IFT88: variants seen among roughly 807,000 people sequenced by gnomAD.
The protein encoded by IFT88 is intraflagellar transport protein 88 homolog.
IFT88 carries 74 observed loss-of-function variants against 119.5 expected under a neutral mutation model. That is an observed-to-expected ratio of 0.62 (90% CI 0.51 to 0.75). The LOEUF (loss-of-function observed/expected upper bound fraction) is 0.75. Among genes scored for constraint, IFT88 ranks in the 30% least tolerant of loss-of-function variants. IFT88 has a pLI of 0.00. For missense variants in IFT88, 961 were observed against 977.7 expected, an observed-to-expected ratio of 0.98 and a Z score of 0.23; for synonymous variants, 279 against 316.7, an observed-to-expected ratio of 0.88 and a Z score of 1.26.
At chr13:20,649,088 A>C (rs2051186203) in intron 20 of IFT88, among the ~76,000 whole-genome samples, 1 of 152,194 alleles carries the variant, frequency 6.6e-6, no homozygotes, top group African/African-American at 2.4e-5. Flanking sequence ...ACTTTTAAAA[A>C]TGTGTGTTAC....
At chr13:20,625,562 A>G (rs548898640) in intron 14 of IFT88, among the ~76,000 whole-genome samples, 188 bp from the exon 15 acceptor site, 13 of 152,238 alleles carry the variant, frequency 8.5e-5, no homozygotes, top group Non-Finnish European at 1.5e-4. Context: ...GATAAATTGG[A>G]TAAGAAAAGT....
At chr13:20,677,597 TG>T (rs1386913699) in intron 24 of IFT88, among the ~76,000 whole-genome samples, 1 of 152,188 alleles carries the variant, frequency 6.6e-6, no homozygotes, top group East Asian at 1.9e-4. Context: ...AGAAGTAAAT[TG>T]GTCAGTAAAG....
At chr13:20,614,724 A>G (rs1379552065) in intron 13 of IFT88, among the ~76,000 whole-genome samples, 1 of 152,182 alleles carries the variant, frequency 6.6e-6, no homozygotes, top group Non-Finnish European at 1.5e-5. Flanking sequence ...TATGTTTTAC[A>G]AATGCATGTG....
intron 16 of IFT88, among the ~76,000 whole-genome samples, chr13:20,636,248 T>C (rs1380283630): frequency 1.3e-5 from 2 of 152,170 alleles, no homozygotes; most frequent in Non-Finnish European, 2.9e-5. Context: ...TGACCTTAAA[T>C]CTTTGTGAGA....
In IFT88 at chr13:20,572,369, C is replaced by A. The variant is rs140546342; in HGVS notation, c.-6-2011C>A. Reference sequence around the variant, plus strand: ...AAATAGCTGGAATTACAGATGTGCACCACCATGCCCGGCTAGTTTTTGTAT... The same window carrying A: ...AAATAGCTGGAATTACAGATGTGCAACACCATGCCCGGCTAGTTTTTGTAT... On this transcript the variant is annotated intron_variant, in intron 1 of 25. Coordinates refer to ENST00000351808, the MANE Select transcript of IFT88 (RefSeq NM_006531.5). 1.2e-3 allele frequency among the ~76,000 whole-genome samples: 177 copies of A among 152,192 alleles called. 3 individuals are homozygous for A. In the East Asian group the frequency reaches 0.032, roughly 28 times the overall value.
chr13:20,602,422 C>G (rs1026434526), intron 12 of IFT88, among the ~76,000 whole-genome samples: 2 of 151,996 alleles, frequency 1.3e-5, no homozygotes, highest in African/African-American at 4.8e-5. Flanking sequence ...CCAGGCTGGT[C>G]TTGAACTCCT....
intron 17 of IFT88, among the ~76,000 whole-genome samples, chr13:20,639,340 G>C (rs1257461377): frequency 2.6e-5 from 4 of 152,224 alleles, no homozygotes; most frequent in Admixed American, 2.6e-4. Flanking sequence ...GAGAGAGATT[G>C]ATGGGTTGGC....
chr13:20,575,078 T>C (rs889172499), intron 2 of IFT88, among the ~76,000 whole-genome samples: 10 of 118,648 alleles, frequency 8.4e-5, no homozygotes, highest in African/African-American at 3.0e-4. Flanking sequence ...TTTTTTTTTG[T>C]ACCTATTAAC....
chr13:20,589,398 G>T (rs2040279376), intron 3 of IFT88, among the ~76,000 whole-genome samples: 1 of 152,094 alleles, frequency 6.6e-6, no homozygotes, highest in South Asian at 2.1e-4. Context: ...AAAACTGTAG[G>T]TTCAAAGAGA....
At chr13:20,634,888 T>C (rs2048781770) in intron 16 of IFT88, among the ~76,000 whole-genome samples, 1 of 151,922 alleles carries the variant, frequency 6.6e-6, no homozygotes, top group Non-Finnish European at 1.5e-5. Context: ...CATGTTGGTG[T>C]GCTGCACCTG....
intron 16 of IFT88, chr13:20,631,467 A>G (rs2048195789): frequency 5.5e-6 from 1 of 183,156 alleles, no homozygotes; most frequent in African/African-American, 2.3e-5. Flanking sequence ...TATCAACTCT[A>G]ACAAGCATTT....
At chr13:20,687,037 A>ACC (rs1566492732) in intron 24 of IFT88, among the ~76,000 whole-genome samples, 1 of 147,478 alleles carries the variant, frequency 6.8e-6, no homozygotes, top group African/African-American at 2.5e-5. Flanking sequence ...AAAAAAAAAA[A>ACC]AAAAAAAAAA....
At chr13:20,666,026 C>G (rs894301787) in intron 23 of IFT88, among the ~76,000 whole-genome samples, 1 of 152,188 alleles carries the variant, frequency 6.6e-6, no homozygotes, top group Non-Finnish European at 1.5e-5. Context: ...TTACGGTCAG[C>G]CAGTCTTCTT....
intron 23 of IFT88, among the ~76,000 whole-genome samples, chr13:20,665,585 A>G (rs1352175939): frequency 6.6e-6 from 1 of 152,246 alleles, no homozygotes; most frequent in Non-Finnish European, 1.5e-5. Context: ...TACAAAACTG[A>G]TGGTGATTTG....
At chr13:20,662,931 A>G (rs1384965707) in intron 22 of IFT88, among the ~76,000 whole-genome samples, 3 of 152,226 alleles carry the variant, frequency 2.0e-5, no homozygotes, top group Non-Finnish European at 4.4e-5. Context: ...TGTTGTTGTT[A>G]TTGTATACAA....
At chr13:20,665,794 T>A (rs2054577635) in intron 23 of IFT88, among the ~76,000 whole-genome samples, 1 of 152,196 alleles carries the variant, frequency 6.6e-6, no homozygotes, top group African/African-American at 2.4e-5. Context: ...TAGGCAGAGC[T>A]GTGGGACCGA....
In IFT88 at chr13:20,691,227, T is replaced by C; in HGVS notation, c.*52T>C. On this transcript the variant is annotated 3_prime_UTR_variant, in exon 26 of 26. Coordinates refer to ENST00000351808, the MANE Select transcript of IFT88 (RefSeq NM_006531.5). ...AAGAAATTGCCTTATGAGATCATCC[T>C]CATGTTAAACCTTGGATTAAATATC... 6.6e-7 allele frequency: 1 copy of C among 1,520,704 alleles called. No homozygotes were observed. The highest frequency in any genetic ancestry group is 9.0e-7 in the Non-Finnish European group (1 of 1,113,702). 94.2% of individuals were successfully genotyped at this position (1,520,704 alleles called of 1,614,324 possible).
At chr13:20,600,506 T>A (rs9509294) in intron 11 of IFT88, among the ~76,000 whole-genome samples, 66,025 of 151,912 alleles carry the variant, frequency 0.43, 15,296 homozygotes, top group Middle Eastern at 0.53. Context: ...GTCTTTATGA[T>A]CTGATCAGAG....
intron 24 of IFT88, among the ~76,000 whole-genome samples, chr13:20,689,399 A>G (rs866672909): frequency 6.6e-6 from 1 of 152,218 alleles, no homozygotes; most frequent in Non-Finnish European, 1.5e-5. Context: ...CGTATTTACT[A>G]ATGAGGATGT....
Sources: gnomAD v4.1 joint callset for allele counts (sites outside exome capture counted in the v4.1 genomes callset) on GRCh38, gnomAD v4.1.1 for gene constraint, MANE v1.5 for transcripts, NCBI Gene and HGNC (gene_info 2026-07-23, HGNC 2026-07-21) for gene names.